FLYWCH1: variants seen among roughly 807,000 people sequenced by gnomAD.
The protein encoded by FLYWCH1 is FLYWCH-type zinc finger-containing protein 1.
FLYWCH1 carries 75 observed loss-of-function variants against 66.4 expected under a neutral mutation model. The observed-to-expected ratio is 1.13, with a 90% CI of 0.94 to 1.37. FLYWCH1 has a LOEUF of 1.37. FLYWCH1 is among the 40% of genes most tolerant of loss of function. FLYWCH1 has a pLI of 0.00. For missense variants in FLYWCH1, 1,334 were observed against 1,001.8 expected, an observed-to-expected ratio of 1.33 and a Z score of -4.48; for synonymous variants, 595 against 429.9, an observed-to-expected ratio of 1.38 and a Z score of -4.75.
At position 2,937,143 on chromosome 16, in the gene FLYWCH1, G is replaced by A. The variant is rs114746108; in HGVS notation, c.1536G>A (p.Thr512=). ...GSPGGPEFLK[T]PLGGSFLVYE... ...CAGGAGGCCCCGAGTTCCTGAAGACGCCCCTGGGGGGCAGCTTCCTGGTGT... is the reference window on the plus strand; with the variant it reads ...CAGGAGGCCCCGAGTTCCTGAAGACACCCCTGGGGGGCAGCTTCCTGGTGT... Residue 512 remains threonine, a synonymous_variant, in exon 7 of 10, where the codon ACG becomes ACA. Coordinates refer to ENST00000253928, the MANE Select transcript of FLYWCH1 (RefSeq NM_001308068.2). The A allele has an allele frequency of 0.011, 10,741 of 1,016,694 alleles. 594 individuals are homozygous for A. The African/African-American group carries it at 0.22, about 20-fold the overall frequency. The allele number at this position is 1,016,694 out of a possible 1,614,324, so 63.0% of individuals were successfully genotyped here.
At chr16:2,944,452 G>A (rs1199412325) in intron 9 of FLYWCH1, among the ~76,000 whole-genome samples, 1 of 150,682 alleles carries the variant, frequency 6.6e-6, no homozygotes, top group Non-Finnish European at 1.5e-5. Flanking sequence ...ATTTGATAAT[G>A]ATAATAAATA....
intron 9 of FLYWCH1, among the ~76,000 whole-genome samples, chr16:2,942,041 AAATAAAT>A (rs1469084848): frequency 6.6e-6 from 1 of 151,624 alleles, no homozygotes; most frequent in Non-Finnish European, 1.5e-5. Context: ...AGAAGGAAGG[AAATAAAT>A]AATAAATGAA....
At chr16:2,943,726 A>T in intron 9 of FLYWCH1, 1 of 152,268 alleles carries the variant, frequency 6.6e-6, no homozygotes, top group African/African-American at 2.4e-5. Context: ...ACCTGAGGTC[A>T]GGCGTTCGAG....
At position 2,938,407 on chromosome 16, in the gene FLYWCH1, C is replaced by T. The variant is rs768471534; in HGVS notation, c.2001C>T (p.Ala667=). ...AGCCTGACCTGGCAGGCCTGGAGGC[C>T]TTGAGGCAACGGGAGCGGCTCCCCA... ...CHQPDLAGLE[A]LRQRERLPTT... The change falls in exon 8 of 10, where the codon GCC becomes GCT. Residue 667 remains alanine (A), a synonymous_variant. Transcript: ENST00000253928. The T allele has an allele frequency of 4.5e-6, 7 of 1,543,306 alleles. No individual in the cohort carries two copies. The highest frequency in any genetic ancestry group is 6.1e-6 in the Non-Finnish European group (7 of 1,144,538).
Position 2,933,164 on chromosome 16 carries a change from C to T in FLYWCH1, c.831C>T (p.Cys277=), listed in dbSNP as rs1048538609. 1.2e-6 allele frequency: 2 copies of T among 1,613,672 alleles called. No homozygotes were observed. The highest frequency in any genetic ancestry group is 1.3e-5 in the African/African-American group (1 of 74,990). ...GGCCCCTCGAGTTCCTGAGGACGTGCTACGGGGGCAGCTTCCTGGTACACG... is the reference window on the plus strand; with the variant it reads ...GGCCCCTCGAGTTCCTGAGGACGTGTTACGGGGGCAGCTTCCTGGTACACG... The part of the protein sequence containing the change: ...QARPLEFLRT[C]YGGSFLVHES... Residue 277 remains cysteine, a synonymous_variant, in exon 5 of 10, where the codon TGC becomes TGT. Transcript: ENST00000253928.
At chr16:2,916,526 A>T (rs2070173494) in intron 2 of FLYWCH1, among the ~76,000 whole-genome samples, 1 of 151,154 alleles carries the variant, frequency 6.6e-6, no homozygotes, top group African/African-American at 2.4e-5. Flanking sequence ...AGTCTCAGCT[A>T]CTCTGGAGGC....
rs1394817728 is a variant in FLYWCH1 at position 2,929,991 on chromosome 16, G to A, written c.306G>A (p.Lys102=). 1.2e-5 allele frequency: 20 copies of A among 1,605,956 alleles called. No individual in the cohort carries two copies. The highest frequency in any genetic ancestry group is 1.7e-5 in the Non-Finnish European group (20 of 1,173,994). Residue 102 remains lysine (K), a synonymous_variant, in exon 3 of 10, where the codon AAG becomes AAA. Coordinates refer to ENST00000253928, the MANE Select transcript of FLYWCH1 (RefSeq NM_001308068.2). ...CAGCCCTAGAGATGCCTGAACAGAA[G>A]TGCAGCAAGCTGGATGCAGGTGAGG... ...VQPALEMPEQ[K]CSKLDAAAPQ...
Position 2,933,540 on chromosome 16 carries a change from CCCGAGG to C in FLYWCH1, c.1210_1215del (p.Glu404_Ala405del). 6 of 1,608,174 alleles carry C rather than the reference CCCGAGG, an allele frequency of 3.7e-6. No homozygotes were observed. Among genetic ancestry groups the C allele is most frequent in the Non-Finnish European group, 5.1e-6 (6 of 1,177,180 alleles). ...CGAAGACCAGGAGCTGCCAACCCAGCCCGAGGCCCCAGACGAGCACCAGGACATGGA... is the reference window on the plus strand; with the variant it reads ...CGAAGACCAGGAGCTGCCAACCCAGCCCCCAGACGAGCACCAGGACATGGA... On this transcript the variant is annotated inframe_deletion, in exon 5 of 10. Transcript: ENST00000253928.
intron 8 of FLYWCH1, 98 bp from the exon 9 acceptor site, chr16:2,939,934 A>G: frequency 7.0e-7 from 1 of 1,426,904 alleles, no homozygotes; most frequent in Non-Finnish European, 9.4e-7. Flanking sequence ...TTCTCCTCAC[A>G]GCCTTGAGGG....
At chr16:2,936,301 G>C (rs529737539) in intron 6 of FLYWCH1, 4 of 431,274 alleles carry the variant, frequency 9.3e-6, no homozygotes, top group African/African-American at 8.1e-5. Context: ...CCCCACCTTC[G>C]TCCTGACCTC....
intron 2 of FLYWCH1, among the ~76,000 whole-genome samples, chr16:2,914,609 C>T (rs1462964776): frequency 2.6e-5 from 4 of 152,126 alleles, no homozygotes; most frequent in African/African-American, 9.7e-5. Context: ...GAAATCTGTA[C>T]TGAGTGCAGC....
At chr16:2,919,534 G>C (rs570294991) in intron 2 of FLYWCH1, among the ~76,000 whole-genome samples, 1 of 152,016 alleles carries the variant, frequency 6.6e-6, no homozygotes, top group African/African-American at 2.4e-5. Flanking sequence ...GAAGTGCTGG[G>C]ATTACAGGCG....
Position 2,933,798 on chromosome 16 carries a change from T to C in FLYWCH1, c.1332T>C (p.Ala444=), listed in dbSNP as rs766622655. ...ESFLYRREKA[A]GEKVYWTCRD... ...TCCTCTACCGGCGGGAGAAGGCGGCTGGGGAGAAGGTGTATTGGACCTGCC... is the reference window on the plus strand; with the variant it reads ...TCCTCTACCGGCGGGAGAAGGCGGCCGGGGAGAAGGTGTATTGGACCTGCC... The change falls in exon 6 of 10, where the codon GCT becomes GCC. Residue 444 remains alanine (A), a synonymous_variant. Coordinates refer to ENST00000253928, the MANE Select transcript of FLYWCH1 (RefSeq NM_001308068.2). 49 of 1,607,004 alleles carry C rather than the reference T, an allele frequency of 3.0e-5. No homozygotes were observed. The highest frequency in any genetic ancestry group is 1.1e-4 in the East Asian group (5 of 44,396).
chr16:2,927,211 G>T (rs1179146945), intron 2 of FLYWCH1, among the ~76,000 whole-genome samples: 2 of 152,164 alleles, frequency 1.3e-5, no homozygotes, highest in Non-Finnish European at 2.9e-5. Context: ...CCCACTATGA[G>T]ACTTAATCCA....
At chr16:2,944,173 G>A (rs12050921) in intron 9 of FLYWCH1, among the ~76,000 whole-genome samples, 33,499 of 151,716 alleles carry the variant, frequency 0.22, 4,593 homozygotes, top group Non-Finnish European at 0.3. Flanking sequence ...GATCACCTGA[G>A]GTCAGGAATT....
chr16:2,945,736 G>A lies in FLYWCH1; in HGVS notation c.2112-2952G>A, dbSNP rs187334503. Among the ~76,000 whole-genome samples, 443 of 152,036 alleles carry A rather than the reference G, an allele frequency of 2.9e-3. 1 individual carries two copies. Among genetic ancestry groups the A allele is most frequent in the Non-Finnish European group, 5.0e-3 (338 of 67,972 alleles). ...ATAGAGGCCGGGTGCGGTGGCTCAT[G>A]CCTGTAATCCCAGCACTTTGGGAGG... On this transcript the variant is annotated intron_variant, in intron 9 of 9. Transcript: ENST00000253928.
At position 2,937,187 on chromosome 16, in the gene FLYWCH1, G is replaced by A. The variant is rs796101914; in HGVS notation, c.1580G>A (p.Arg527Gln). Residue 527 changes from arginine (R) to glutamine (Q), a missense_variant, in exon 7 of 10, where the codon CGG becomes CAG. Transcript: ENST00000253928. Reference protein sequence around the residue: ...SFLVYESFLYRREKAAGEKVY... With the variant: ...SFLVYESFLYQREKAAGEKVY... ...CTGGTGTACGAGTCCTTCCTCTACCGGCGGGAGAAGGCGGCCGGGGAGAAG... is the reference window on the plus strand; with the variant it reads ...CTGGTGTACGAGTCCTTCCTCTACCAGCGGGAGAAGGCGGCCGGGGAGAAG... The A allele has an allele frequency of 2.1e-6, 3 of 1,407,246 alleles. No individual in the cohort carries two copies. Among genetic ancestry groups the A allele is most frequent in the East Asian group, 3.2e-5 (1 of 30,818 alleles). 87.2% of individuals were successfully genotyped at this position (1,407,246 alleles called of 1,614,324 possible). A position where few individuals can be genotyped will look rare whatever the true frequency, so the allele number is the denominator to read the frequency against.
At chr16:2,939,747 C>T (rs1039170486) in intron 8 of FLYWCH1, 37 of 341,602 alleles carry the variant, frequency 1.1e-4, no homozygotes, top group Non-Finnish European at 7.6e-5. Context: ...AAGCCACTAT[C>T]GAGCTTACAG....
chr16:2,945,304 G>A lies in FLYWCH1; in HGVS notation c.2112-3384G>A, dbSNP rs572879172. Among the ~76,000 whole-genome samples, 4 of 151,960 alleles carry A rather than the reference G, an allele frequency of 2.6e-5. No homozygotes were observed. The East Asian group carries it at 7.8e-4, about 30-fold the overall frequency. ...AGATCAAGACCGTCCGGGCTAACAC[G>A]GTAAAATCCCGTCTCTACTAAAAAT... On this transcript the variant is annotated intron_variant, in intron 9 of 9. Coordinates refer to ENST00000253928, the MANE Select transcript of FLYWCH1 (RefSeq NM_001308068.2).
Sources: gnomAD v4.1 joint callset for allele counts (sites outside exome capture counted in the v4.1 genomes callset) on GRCh38, gnomAD v4.1.1 for gene constraint, MANE v1.5 for transcripts, NCBI Gene and HGNC (gene_info 2026-07-23, HGNC 2026-07-21) for gene names.